Variants in TMCO5A observed in about 807,000 individuals in gnomAD.
The protein encoded by TMCO5A is transmembrane and coiled-coil domains 5A.
In TMCO5A, 34 loss-of-function variants were observed where a neutral mutation model predicts 42.3. The ratio of observed to expected loss-of-function variants is 0.80; its 90% CI spans 0.61 to 1.07. The LOEUF is 1.07. Ranked by LOEUF, TMCO5A falls within the 50% of genes least tolerant of loss-of-function variation. The pLI is 0.00. For missense variants in TMCO5A, 357 were observed against 327.9 expected, an observed-to-expected ratio of 1.09 and a Z score of -0.69; for synonymous variants, 131 against 115.6, an observed-to-expected ratio of 1.13 and a Z score of -0.86.
At chr15:37,985,514 A>G in the TMCO5A span, among the ~76,000 whole-genome samples, 1 of 152,216 alleles carries the variant, frequency 6.6e-6, no homozygotes, top group Non-Finnish European at 1.5e-5. Context: ...GTGGATAGCT[A>G]TAGAAAATGT....
chr15:38,004,434 G>A, the TMCO5A span, among the ~76,000 whole-genome samples: 2 of 152,120 alleles, frequency 1.3e-5, no homozygotes, highest in Non-Finnish European at 2.9e-5. Context: ...TCTGAGCCAA[G>A]CACCGCACTG....
In TMCO5A at chr15:37,943,383, CA is replaced by C; in HGVS notation, c.613del (p.Ser205AlafsTer35). ...SMNPVEKEHT[S>X]QNNEGTPTQK... Reference sequence around the variant, plus strand: ...TGAACCCTGTGGAAAAAGAGCATACCAGCCAAAATAATGAGGTAAACACTCC... The same window carrying C: ...TGAACCCTGTGGAAAAAGAGCATACCGCCAAAATAATGAGGTAAACACTCC... On this transcript the variant is annotated frameshift_variant, in exon 10 of 12. Transcript: ENST00000319669. LOFTEE classifies it high-confidence loss of function. 1.2e-6 allele frequency: 2 copies of C among 1,612,348 alleles called. No homozygotes were observed. The highest frequency in any genetic ancestry group is 1.7e-6 in the Non-Finnish European group (2 of 1,179,058).
At chr15:38,017,242 T>A in the TMCO5A span, among the ~76,000 whole-genome samples, 1 of 152,172 alleles carries the variant, frequency 6.6e-6, no homozygotes, top group South Asian at 2.1e-4. Flanking sequence ...TATAAGTTAA[T>A]TGCCAAAACT....
At chr15:37,943,927 G>A (rs1889844587) in intron 10 of TMCO5A, 1 of 152,682 alleles carries the variant, frequency 6.5e-6, no homozygotes, top group African/African-American at 2.4e-5. Context: ...CAGCACACAT[G>A]TAAAGGTCTG....
downstream of TMCO5A, among the ~76,000 whole-genome samples, chr15:37,972,569 C>T (rs1346635166): frequency 6.6e-6 from 1 of 152,048 alleles, no homozygotes; most frequent in Non-Finnish European, 1.5e-5. Context: ...GCTTCTTGAC[C>T]ATATGTATGT....
the TMCO5A span, among the ~76,000 whole-genome samples, chr15:38,035,921 CAG>C: frequency 2.0e-5 from 3 of 152,204 alleles, no homozygotes; most frequent in Non-Finnish European, 4.4e-5. Context: ...GGATATGAAT[CAG>C]ACACCAGATA....
the TMCO5A span, among the ~76,000 whole-genome samples, chr15:38,029,653 T>A: frequency 1.3e-5 from 2 of 152,160 alleles, no homozygotes; most frequent in Non-Finnish European, 2.9e-5. Context: ...AGAAGCAGGG[T>A]CTCACTATGT....
chr15:37,999,489 A>C, the TMCO5A span, among the ~76,000 whole-genome samples: 1 of 152,114 alleles, frequency 6.6e-6, no homozygotes, highest in African/African-American at 2.4e-5. Flanking sequence ...GCAGAATTTG[A>C]CTTCTTCCTT....
chr15:38,017,889 G>A, the TMCO5A span, among the ~76,000 whole-genome samples: 1 of 152,146 alleles, frequency 6.6e-6, no homozygotes, highest in African/African-American at 2.4e-5. Flanking sequence ...TTGTGATCGT[G>A]AGCGAGCTCT....
the TMCO5A span, among the ~76,000 whole-genome samples, chr15:38,017,973 A>C: frequency 1.3e-5 from 2 of 152,178 alleles, no homozygotes; most frequent in Middle Eastern, 3.2e-3. Context: ...TGCCATGGGA[A>C]GATGTGCCTT....
the TMCO5A span, among the ~76,000 whole-genome samples, chr15:38,008,094 A>T: frequency 4.0e-5 from 6 of 151,310 alleles, no homozygotes; most frequent in Non-Finnish European, 8.8e-5. Context: ...ATGGGGTTTC[A>T]CCATGTTAGC....
intron 9 of TMCO5A, chr15:37,943,078 T>A: frequency 3.0e-6 from 1 of 331,546 alleles, no homozygotes; most frequent in Non-Finnish European, 5.6e-6. Flanking sequence ...TAAGCCAAGA[T>A]TCTAGAAAAG....
At chr15:38,014,741 C>A in the TMCO5A span, among the ~76,000 whole-genome samples, 16 of 151,338 alleles carry the variant, frequency 1.1e-4, no homozygotes, top group African/African-American at 3.9e-4. Flanking sequence ...CAGTATATGG[C>A]AGTAGAGAAA....
At position 37,938,075 on chromosome 15, in the gene TMCO5A, A is replaced by G. The variant is rs866983837; in HGVS notation, c.316-83A>G. The G allele has an allele frequency of 1.6e-5, 19 of 1,165,106 alleles. No individual in the cohort carries two copies. In the Middle Eastern group the frequency reaches 2.7e-3, roughly 166 times the overall value. 72.2% of individuals were successfully genotyped at this position (1,165,106 alleles called of 1,614,324 possible). Reference sequence around the variant, plus strand: ...TATCCTGGAAAGGTTTATAAAGGCCATAGTTACTAATCTCCACACACCAGA... The same window carrying G: ...TATCCTGGAAAGGTTTATAAAGGCCGTAGTTACTAATCTCCACACACCAGA... On this transcript the variant is annotated intron_variant, in intron 5 of 11. Transcript: ENST00000319669.
At chr15:38,010,497 A>C in the TMCO5A span, among the ~76,000 whole-genome samples, 1 of 149,032 alleles carries the variant, frequency 6.7e-6, no homozygotes, top group African/African-American at 2.5e-5. Flanking sequence ...CAGAGATTTA[A>C]AAGTGCCATC....
At chr15:38,040,476 T>G in the TMCO5A span, 3 of 152,142 alleles carry the variant, frequency 2.0e-5, no homozygotes, top group Non-Finnish European at 4.4e-5. Context: ...AAAATATATG[T>G]CCGTGCAAAA....
At chr15:38,036,788 T>C in the TMCO5A span, among the ~76,000 whole-genome samples, 2 of 152,120 alleles carry the variant, frequency 1.3e-5, no homozygotes. Context: ...ATGGTATAAT[T>C]ATGTGCTTGC....
the TMCO5A span, among the ~76,000 whole-genome samples, chr15:37,993,011 T>A: frequency 6.6e-6 from 1 of 152,184 alleles, no homozygotes; most frequent in Non-Finnish European, 1.5e-5. Context: ...TAAAAGTTTT[T>A]AAAAAATTAA....
downstream of TMCO5A, among the ~76,000 whole-genome samples, chr15:37,956,101 T>C (rs538301062): frequency 2.2e-4 from 33 of 152,194 alleles, no homozygotes; most frequent in African/African-American, 7.7e-4. Flanking sequence ...AAGCAATGTG[T>C]AGAGGGAAAT....
Sources: allele counts gnomAD v4.1 joint callset (sites outside exome capture counted in the v4.1 genomes callset), GRCh38; gene constraint gnomAD v4.1.1; transcripts MANE v1.5; gene names NCBI Gene and HGNC (gene_info 2026-07-23, HGNC 2026-07-21).